The following DYNC2I1 variants were observed in gnomAD, a reference collection of about 807,000 sequenced individuals.
DYNC2I1 encodes the protein dynein 2 intermediate chain 1.
Under a neutral mutation model 133.4 loss-of-function variants are expected in DYNC2I1, and 89 were observed. That is an observed-to-expected ratio of 0.67 (90% CI 0.56 to 0.80). The LOEUF (loss-of-function observed/expected upper bound fraction) is 0.80. DYNC2I1 is among the 30% of genes least tolerant of loss of function. The pLI is 0.00. For missense variants in DYNC2I1, 1,291 were observed against 1,314.5 expected, an observed-to-expected ratio of 0.98 and a Z score of 0.28; for synonymous variants, 504 against 484.3, an observed-to-expected ratio of 1.04 and a Z score of -0.54.
Position 158,945,885 on chromosome 7 carries a change from G to A in DYNC2I1, c.*106G>A. 2.0e-6 allele frequency: 2 copies of A among 1,019,628 alleles called. No homozygotes were observed. The highest frequency in any genetic ancestry group is 2.7e-6 in the Non-Finnish European group (2 of 751,068). The allele number at this position is 1,019,628 out of a possible 1,614,324, so 63.2% of individuals were successfully genotyped here. On this transcript the variant is annotated 3_prime_UTR_variant, in exon 25 of 25. Coordinates refer to ENST00000407559, the MANE Select transcript of DYNC2I1 (RefSeq NM_018051.5). This position sits in a 1 kb window ranked among gnomAD's most constrained non-coding sequence, Gnocchi z 4.1. ...AAGTATATTTATGTATATAGACTAT[G>A]TATATTCTGTATATAATTTATTTTA...
chr7:158,943,638 A>G (rs1229039315), intron 24 of DYNC2I1, among the ~76,000 whole-genome samples: 2 of 152,132 alleles, frequency 1.3e-5, no homozygotes, highest in Non-Finnish European at 2.9e-5. Flanking sequence ...GGAGGGTCTG[A>G]GCACAGGAGC....
intron 8 of DYNC2I1, among the ~76,000 whole-genome samples, chr7:158,893,952 TTACTGCATATCA>T (rs1845494907): frequency 6.7e-6 from 1 of 150,022 alleles, no homozygotes; most frequent in Non-Finnish European, 1.5e-5. Context: ...ACTGCACATC[TTACTGCATATCA>T]TACTGCATAT....
chr7:158,893,963 C>G (rs577064024), intron 8 of DYNC2I1, among the ~76,000 whole-genome samples: 2 of 152,080 alleles, frequency 1.3e-5, no homozygotes, highest in South Asian at 4.1e-4. Context: ...TACTGCATAT[C>G]ATACTGCATA....
intron 15 of DYNC2I1, among the ~76,000 whole-genome samples, chr7:158,921,609 G>T (rs1434123440): frequency 2.0e-5 from 3 of 152,160 alleles, no homozygotes; most frequent in Non-Finnish European, 2.9e-5. Context: ...GAGGTGGAAG[G>T]AGGGTTCCCT....
intron 14 of DYNC2I1, among the ~76,000 whole-genome samples, chr7:158,915,770 G>A (rs1848135419): frequency 7.2e-6 from 1 of 138,266 alleles, no homozygotes; most frequent in African/African-American, 2.7e-5. Flanking sequence ...TCTACACGCT[G>A]GTTGAGATTA....
At chr7:158,921,352 C>T (rs939722719) in intron 15 of DYNC2I1, among the ~76,000 whole-genome samples, 4 of 152,052 alleles carry the variant, frequency 2.6e-5, no homozygotes, top group Non-Finnish European at 5.9e-5. Flanking sequence ...GTCGGGGCAG[C>T]GATGGGTCAG....
upstream of DYNC2I1, among the ~76,000 whole-genome samples, chr7:158,853,513 C>T (rs1404262833): frequency 6.6e-6 from 1 of 152,050 alleles, no homozygotes; most frequent in African/African-American, 2.4e-5. Context: ...CGTTTTAGAC[C>T]TTAGTTTTTA....
chr7:158,921,736 T>C (rs956296375), intron 15 of DYNC2I1, among the ~76,000 whole-genome samples: 4 of 152,160 alleles, frequency 2.6e-5, no homozygotes, highest in African/African-American at 9.7e-5. Context: ...GGTGCTGCTT[T>C]CCACATTGAC....
At chr7:158,928,379 C>A (rs1439803156) in intron 20 of DYNC2I1, among the ~76,000 whole-genome samples, 1 of 151,630 alleles carries the variant, frequency 6.6e-6, no homozygotes, top group Non-Finnish European at 1.5e-5. Context: ...GTAGATCTGG[C>A]AAAAAATAAT....
At chr7:158,850,620 G>A in the DYNC2I1 span, among the ~76,000 whole-genome samples, 2,052 of 152,296 alleles carry the variant, frequency 0.013, 69 homozygotes, top group East Asian at 0.13. Context: ...TGTTGCTCGG[G>A]ACAAATCCTC....
rs1344517694 is a variant in DYNC2I1, at chr7:158,871,122, C to G, written c.70-20C>G. On this transcript the variant is annotated intron_variant, in intron 2 of 24. Transcript: ENST00000407559. The stretch of plus-strand genomic sequence containing the variant: ...ATCTGCCTTCCTGGTCACGGAGGAC[C>G]CTTTGTTCTCTTGTTTCAGGCCATA... 2 of 1,600,720 alleles carry G rather than the reference C, an allele frequency of 1.2e-6. No individual in the cohort carries two copies. The highest frequency in any genetic ancestry group is 1.7e-6 in the Non-Finnish European group (2 of 1,174,502).
intron 14 of DYNC2I1, among the ~76,000 whole-genome samples, chr7:158,915,156 AATGTCAAC>A (rs1243973311): frequency 6.6e-6 from 1 of 151,812 alleles, no homozygotes; most frequent in Non-Finnish European, 1.5e-5. Flanking sequence ...ATGATTGTGA[AATGTCAAC>A]ACGCTGGTTG....
At chr7:158,862,553 A>T (rs1465181285) in intron 1 of DYNC2I1, among the ~76,000 whole-genome samples, 1 of 43,994 alleles carries the variant, frequency 2.3e-5, no homozygotes, top group Admixed American at 2.6e-4. Flanking sequence ...CCTATCTCTT[A>T]AAAAAAAAAA....
intron 8 of DYNC2I1, among the ~76,000 whole-genome samples, chr7:158,894,132 A>ACTGCATATCATACCGCATATTC (rs1554455812): frequency 6.6e-6 from 1 of 150,954 alleles, no homozygotes; most frequent in Non-Finnish European, 1.5e-5. Context: ...ACCGCATATC[A>ACTGCATATCATACCGCATATTC]TACCGCATAT....
intron 5 of DYNC2I1, among the ~76,000 whole-genome samples, chr7:158,881,615 G>A (rs1223310907): frequency 1.3e-5 from 2 of 151,910 alleles, no homozygotes; most frequent in South Asian, 2.1e-4. Flanking sequence ...CACCACTCCC[G>A]GCTAATTTTT....
chr7:158,884,046 ATTTT>A (rs373885374), intron 5 of DYNC2I1, among the ~76,000 whole-genome samples: 6 of 125,550 alleles, frequency 4.8e-5, no homozygotes, highest in African/African-American at 1.8e-4. Flanking sequence ...TTAAAAAACA[ATTTT>A]TTTTTTTTTT....
chr7:158,926,151 A>T, intron 17 of DYNC2I1, 36 bp from the exon 18 acceptor site: 1 of 1,509,620 alleles, frequency 6.6e-7, no homozygotes, highest in Non-Finnish European at 9.1e-7. Flanking sequence ...TCAACTTACT[A>T]CTTACACGTG....
intron 7 of DYNC2I1, among the ~76,000 whole-genome samples, chr7:158,887,493 GGAGA>G (rs1211599404): frequency 1.3e-5 from 2 of 152,014 alleles, no homozygotes; most frequent in Non-Finnish European, 2.9e-5. Context: ...AGAATTGAAG[GGAGA>G]AAGAGACAAT....
chr7:158,920,786 C>T (rs553197038), intron 15 of DYNC2I1, among the ~76,000 whole-genome samples: 1 of 152,210 alleles, frequency 6.6e-6, no homozygotes, highest in South Asian at 2.1e-4. Context: ...GTTGTCTCAC[C>T]CTGCGAATCC....
Sources: gnomAD v4.1 joint callset for allele counts (sites outside exome capture counted in the v4.1 genomes callset) on GRCh38, gnomAD v4.1.1 for gene constraint, Gnocchi (gnomAD v3.1) non-coding constraint, MANE v1.5 for transcripts, NCBI Gene and HGNC (gene_info 2026-07-23, HGNC 2026-07-21) for gene names.